The following DNAH8 variants were observed in gnomAD, a reference collection of about 807,000 sequenced individuals.
DNAH8 encodes dynein axonemal heavy chain 8.
Under a neutral mutation model 562.1 loss-of-function variants are expected in DNAH8, and 382 were observed. The ratio of observed to expected loss-of-function variants is 0.68; its 90% CI spans 0.63 to 0.74. DNAH8 has a LOEUF of 0.74. DNAH8 is among the 30% of genes least tolerant of loss of function. The pLI, the probability that DNAH8 is intolerant of heterozygous loss-of-function variation, is 0.00. For synonymous variants in DNAH8, 1,881 were observed against 1,919.4 expected (o/e 0.98, Z 0.52); for missense variants, 5,203 against 5,620.4 (o/e 0.93, Z 2.37).
rs192614883 is a variant in DNAH8, at chr6:38,867,921, A to G, written c.6694-141A>G. 313 of 716,830 alleles carry G rather than the reference A, an allele frequency of 4.4e-4. 1 individual carries two copies. The African/African-American group carries it at 4.9e-3, about 11-fold the overall frequency. The allele number at this position is 716,830 out of a possible 1,614,324, so 44.4% of individuals were successfully genotyped here. The stretch of plus-strand genomic sequence containing the variant: ...CAGTCAAAGGAAAGGCAGGAAGTTG[A>G]GCTAATAAACCTTTGTGGCTTAGTC... On this transcript the variant is annotated intron_variant, in intron 47 of 92. Transcript: ENST00000327475.
At position 38,935,698 on chromosome 6, in the gene DNAH8, G is replaced by T. The variant is rs776791493; in HGVS notation, c.11563+1G>T. The T allele has an allele frequency of 2.2e-4, 350 of 1,587,372 alleles. No homozygotes were observed. The highest frequency in any genetic ancestry group is 3.0e-4 in the Non-Finnish European group (346 of 1,162,040). On this transcript the variant is annotated splice_donor_variant, in intron 77 of 92. Coordinates refer to ENST00000327475, the MANE Select transcript of DNAH8 (RefSeq NM_001206927.2). LOFTEE classifies it high-confidence loss of function. ...CTCTATAAATTAAGTGCTACAAAAG[G>T]TATTGTGTTATTAAGAAGTAATGAA... is the stretch of plus-strand genomic sequence containing the variant.
intron 91 of DNAH8, among the ~76,000 whole-genome samples, chr6:39,015,194 A>G (rs761935931): frequency 6.6e-5 from 10 of 152,204 alleles, no homozygotes; most frequent in Non-Finnish European, 1.3e-4. Context: ...TTTAGAAACC[A>G]AGGGAGTGGA....
chr6:38,755,936 A>G (rs769517694), intron 9 of DNAH8, 36 bp from the exon 10 acceptor site: 2 of 1,087,720 alleles, frequency 1.8e-6, no homozygotes, highest in South Asian at 2.5e-5. Flanking sequence ...AACTATATGC[A>G]TATGATGGAA....
intron 91 of DNAH8, among the ~76,000 whole-genome samples, chr6:39,014,197 G>A (rs1331321100): frequency 2.0e-5 from 3 of 152,052 alleles, no homozygotes; most frequent in Non-Finnish European, 4.4e-5. Context: ...ATTTTATAAA[G>A]TCCGTAGCCT....
At chr6:38,939,978 TGGA>T (rs1783305717) in intron 79 of DNAH8, among the ~76,000 whole-genome samples, 1 of 152,138 alleles carries the variant, frequency 6.6e-6, no homozygotes. Context: ...AAGGTGGATA[TGGA>T]GGCATACTGA....
intron 1 of DNAH8, among the ~76,000 whole-genome samples, chr6:38,721,705 A>G (rs1323743739): frequency 2.0e-5 from 3 of 152,144 alleles, no homozygotes; most frequent in Non-Finnish European, 4.4e-5. Flanking sequence ...AGTGTATCAA[A>G]CAAACAATTA....
At chr6:38,761,571 C>T (rs950735451) in intron 10 of DNAH8, 131 bp from the exon 11 acceptor site, 24 of 449,248 alleles carry the variant, frequency 5.3e-5, no homozygotes, top group South Asian at 3.8e-4. Flanking sequence ...ACTGGGATTA[C>T]AGGCATGAGC....
intron 48 of DNAH8, among the ~76,000 whole-genome samples, chr6:38,869,626 T>G (rs1050250581): frequency 6.6e-6 from 1 of 152,184 alleles, no homozygotes; most frequent in Non-Finnish European, 1.5e-5. Context: ...CTCAGAACAC[T>G]GCCCTGATGG....
At chr6:39,017,344 C>A (rs1766632864) in intron 91 of DNAH8, among the ~76,000 whole-genome samples, 1 of 152,080 alleles carries the variant, frequency 6.6e-6, no homozygotes, top group Non-Finnish European at 1.5e-5. Flanking sequence ...GTGTACATGT[C>A]TGTGCTGTGT....
At chr6:38,798,057 G>A (rs113403548) in intron 21 of DNAH8, among the ~76,000 whole-genome samples, 1 of 151,302 alleles carries the variant, frequency 6.6e-6, no homozygotes, top group Non-Finnish European at 1.5e-5. Context: ...CTGGGCCACA[G>A]AGCGAGACTC....
rs1348288547 is a variant in DNAH8 at position 38,775,956 on chromosome 6, G to A, written c.1962+5G>A. ...ACAAAAATCAATGGTTTAGAGGTAA[G>A]TAATTATACCTACTTTTACTTAGTA... On this transcript the variant is annotated splice_donor_5th_base_variant and intron_variant, in intron 13 of 92. Transcript: ENST00000327475. 1 of 1,579,826 alleles carries A rather than the reference G, an allele frequency of 6.3e-7. No homozygotes were observed. The highest frequency in any genetic ancestry group is 1.1e-5 in the South Asian group (1 of 89,882).
At chr6:38,789,659 A>G (rs1200784664) in intron 18 of DNAH8, 144 bp from the exon 19 acceptor site, 1 of 576,204 alleles carries the variant, frequency 1.7e-6, no homozygotes, top group Non-Finnish European at 3.0e-6. Flanking sequence ...AGTGTGGTAA[A>G]TCAGCATAAG....
At chr6:38,990,328 T>G (rs1764695642) in intron 88 of DNAH8, among the ~76,000 whole-genome samples, 156 bp downstream of exon 88, 1 of 152,194 alleles carries the variant, frequency 6.6e-6, no homozygotes, top group Admixed American at 6.5e-5. Flanking sequence ...ATTACAACTT[T>G]GTCATATCTT....
In DNAH8 at chr6:38,815,460, T is replaced by C; in HGVS notation, c.3334-8T>C. The C allele has an allele frequency of 1.2e-6, 2 of 1,609,768 alleles. No individual in the cohort carries two copies. Among genetic ancestry groups the C allele is most frequent in the African/African-American group, 2.7e-5 (2 of 74,940 alleles). On this transcript the variant is annotated splice_region_variant and splice_polypyrimidine_tract_variant and intron_variant, in intron 25 of 92. Coordinates refer to ENST00000327475, the MANE Select transcript of DNAH8 (RefSeq NM_001206927.2). ...GCAGTATTACACATTTGTTTCTTCT[T>C]TCCACAGGTGATGATTCCTAGTTTG...
In DNAH8 at chr6:39,008,897, C is replaced by T. The variant is rs2150766047; in HGVS notation, c.13298C>T (p.Thr4433Ile). Residue 4433 changes from threonine (T) to isoleucine (I), a missense_variant, in exon 89 of 93, where the codon ACC becomes ATC. Thr to Ile is a moderately conservative substitution (Grantham distance 89). Coordinates refer to ENST00000327475, the MANE Select transcript of DNAH8 (RefSeq NM_001206927.2). Reference protein sequence around the residue: ...PKESGGGVGETREAIVYRLSE... With the variant: ...PKESGGGVGEIREAIVYRLSE... ...GAGAGTGGAGGTGGTGTGGGAGAGA[C>T]CCGGGAGGCTATTGTTTATAGATTA... 1.2e-6 allele frequency: 2 copies of T among 1,607,424 alleles called. No homozygotes were observed. The highest frequency in any genetic ancestry group is 1.7e-6 in the Non-Finnish European group (2 of 1,174,080).
chr6:39,008,832 T>G lies in DNAH8; in HGVS notation c.13233T>G (p.Ala4411=). ...TTACTAGGTATCAGAGTAACACTGC[T>G]TCTGCTGTTCTTGAAACAATTACCA... The part of the protein sequence containing the change: ...NADITYQSNT[A]SAVLETITNI... The change falls in exon 89 of 93, where the codon GCT becomes GCG. Residue 4411 remains alanine (A), a synonymous_variant. Transcript: ENST00000327475. The G allele has an allele frequency of 6.2e-7, 1 of 1,607,592 alleles. No homozygotes were observed.
intron 90 of DNAH8, 27 bp downstream of exon 90, chr6:39,012,394 T>A (rs779299791): frequency 1.2e-6 from 2 of 1,608,072 alleles, no homozygotes; most frequent in Admixed American, 3.4e-5. Context: ...TCAGTAGGCA[T>A]TTCCTTCTTT....
intron 49 of DNAH8, among the ~76,000 whole-genome samples, chr6:38,872,087 A>T (rs945003130): frequency 2.1e-4 from 32 of 152,168 alleles, no homozygotes; most frequent in African/African-American, 7.2e-4. Context: ...AGGAATCCTC[A>T]TTCATGATGT....
rs189744425 is a variant in DNAH8, at chr6:38,823,617, A to G, written c.3776A>G (p.Tyr1259Cys). The G allele has an allele frequency of 4.0e-5, 65 of 1,609,614 alleles. No individual in the cohort carries two copies. The East Asian group carries it at 5.4e-4, about 13-fold the overall frequency. Residue 1259 changes from tyrosine to cysteine, a missense_variant, in exon 28 of 93, where the codon TAT (tyrosine) becomes TGT (cysteine). Tyr to Cys is a radical substitution (Grantham distance 194). Transcript: ENST00000327475. ...LTEIRSEILH[Y>C]ATFEQEIDEL... is the part of the protein sequence containing the mutation. Reference sequence around the variant, plus strand: ...GAAATCAGATCAGAAATTCTACACTATGCTACTTTTGAACAGGAGATTGAT... The same window carrying G: ...GAAATCAGATCAGAAATTCTACACTGTGCTACTTTTGAACAGGAGATTGAT...
Sources: gnomAD v4.1 joint callset for allele counts (sites outside exome capture counted in the v4.1 genomes callset) on GRCh38, gnomAD v4.1.1 for gene constraint, MANE v1.5 for transcripts, NCBI Gene and HGNC (gene_info 2026-07-23, HGNC 2026-07-21) for gene names.